Variants in MPRIP observed in about 807,000 individuals in gnomAD.
The protein encoded by MPRIP is myosin phosphatase Rho interacting protein.
A neutral mutation model predicts 234.9 loss-of-function variants in MPRIP; 59 were observed. The ratio of observed to expected loss-of-function variants is 0.25; its 90% CI spans 0.20 to 0.31. The LOEUF (loss-of-function observed/expected upper bound fraction) is 0.31, where lower values mean the gene tolerates loss of function less well. Ranked by LOEUF, MPRIP falls within the 10% of genes least tolerant of loss-of-function variation. The pLI is 1.00. For synonymous variants in MPRIP, 1,144 were observed against 1,263.9 expected (o/e 0.91, Z 2.01); for missense variants, 2,436 against 3,071.0 (o/e 0.79, Z 4.89).
intron 1 of MPRIP, among the ~76,000 whole-genome samples, chr17:17,060,830 T>C (rs1182781400): frequency 1.3e-5 from 2 of 152,188 alleles, no homozygotes; most frequent in African/African-American, 4.8e-5. Context: ...GAAGCCTATA[T>C]TGAGGAAGGT....
chr17:17,087,236 G>A (rs2089611525), intron 3 of MPRIP, among the ~76,000 whole-genome samples: 1 of 152,180 alleles, frequency 6.6e-6, no homozygotes, highest in Admixed American at 6.5e-5. Flanking sequence ...CTAGGGGGAG[G>A]GGGAGGGAGT....
In MPRIP at chr17:17,139,342, C is replaced by T. The variant is rs141066034; in HGVS notation, c.1250+913C>T. On this transcript the variant is annotated intron_variant, in intron 7 of 23. Transcript: ENST00000651222. Reference sequence around the variant, plus strand: ...TCAGCCAGGTTTATGGATAGACTTACAGACTTCTGGAGGTCCATGATGACC... The same window carrying T: ...TCAGCCAGGTTTATGGATAGACTTATAGACTTCTGGAGGTCCATGATGACC... Among the ~76,000 whole-genome samples, 276 of 152,346 alleles carry T rather than the reference C, an allele frequency of 1.8e-3. 1 individual carries two copies. Among genetic ancestry groups the T allele is most frequent in the African/African-American group, 6.2e-3 (256 of 41,590 alleles).
chr17:17,095,677 A>G (rs2089821999), intron 3 of MPRIP, among the ~76,000 whole-genome samples: 1 of 151,780 alleles, frequency 6.6e-6, no homozygotes, highest in Admixed American at 6.5e-5. Flanking sequence ...TCCTAGGGCA[A>G]CCCTCCGTGC....
At chr17:17,104,282 C>T (rs944868800) in intron 3 of MPRIP, among the ~76,000 whole-genome samples, 2 of 152,168 alleles carry the variant, frequency 1.3e-5, no homozygotes, top group Non-Finnish European at 2.9e-5. Context: ...GATGTGTGGA[C>T]GTGAGTGTCT....
chr17:17,071,448 C>T (rs2089191761), intron 1 of MPRIP, among the ~76,000 whole-genome samples: 1 of 152,200 alleles, frequency 6.6e-6, no homozygotes, highest in South Asian at 2.1e-4. Context: ...TCCTGGGTCC[C>T]TGGCCCACTT....
rs142093730 is a variant in MPRIP, at chr17:17,172,755, G to C, written c.6530G>C (p.Ser2177Thr). 6.8e-5 allele frequency: 110 copies of C among 1,612,248 alleles called. No homozygotes were observed. The highest frequency in any genetic ancestry group is 8.9e-5 in the Non-Finnish European group (105 of 1,180,038). The change falls in exon 18 of 24, where the codon AGC (serine) becomes ACC (threonine). Residue 2177 changes from serine to threonine, a missense_variant. Ser to Thr is a moderately conservative substitution (Grantham distance 58). Coordinates refer to ENST00000651222, the MANE Select transcript of MPRIP (RefSeq NM_001364716.4). ...GAAATGGAGCGGGAGCTGGAGAAGAGCCAGCGGTCCCAGATCAGCAGCGTC... is the reference window on the plus strand; with the variant it reads ...GAAATGGAGCGGGAGCTGGAGAAGACCCAGCGGTCCCAGATCAGCAGCGTC... ...REEMERELEK[S>T]QRSQISSVNS...
chr17:17,100,788 A>G (rs2089945960), intron 3 of MPRIP, among the ~76,000 whole-genome samples: 1 of 152,070 alleles, frequency 6.6e-6, no homozygotes, highest in South Asian at 2.1e-4. Flanking sequence ...ATAATAATAG[A>G]AATAAAGTGC....
intron 21 of MPRIP, 32 bp downstream of exon 21, chr17:17,176,544 C>A: frequency 6.5e-7 from 1 of 1,540,036 alleles, no homozygotes; most frequent in Non-Finnish European, 9.0e-7. Context: ...AGGGCGGGTA[C>A]GGGAACAGGC....
At chr17:17,145,426 G>A (rs1462211313) in intron 9 of MPRIP, among the ~76,000 whole-genome samples, 1 of 152,232 alleles carries the variant, frequency 6.6e-6, no homozygotes, top group African/African-American at 2.4e-5. Context: ...GGGCCCAGGT[G>A]TGTCTGGGCG....
intron 18 of MPRIP, among the ~76,000 whole-genome samples, chr17:17,173,557 C>T (rs1016265429): frequency 2.0e-5 from 3 of 152,062 alleles, no homozygotes; most frequent in African/African-American, 7.2e-5. Flanking sequence ...TGTGTAGAGC[C>T]TGGTCCTGGC....
Position 17,055,882 on chromosome 17 carries a change from C to T in MPRIP, c.123+12911C>T, listed in dbSNP as rs577481300. Among the ~76,000 whole-genome samples, 5 of 152,302 alleles carry T rather than the reference C, an allele frequency of 3.3e-5. No individual in the cohort carries two copies. The South Asian group carries it at 1.0e-3, about 32-fold the overall frequency. On this transcript the variant is annotated intron_variant, in intron 1 of 23. Coordinates refer to ENST00000651222, the MANE Select transcript of MPRIP (RefSeq NM_001364716.4). ...ATAGCTGACAGGAATTGCCATGTGCCAGGCCACTATTAGCTCATTTATATT... is the reference window on the plus strand; with the variant it reads ...ATAGCTGACAGGAATTGCCATGTGCTAGGCCACTATTAGCTCATTTATATT...
chr17:17,110,740 C>T (rs113661696), intron 3 of MPRIP, among the ~76,000 whole-genome samples: 4 of 152,342 alleles, frequency 2.6e-5, no homozygotes, highest in African/African-American at 9.6e-5. Flanking sequence ...GTGAGAACAA[C>T]GTCAGACAAA....
chr17:17,046,159 G>A (rs546891858), intron 1 of MPRIP, among the ~76,000 whole-genome samples: 3 of 152,298 alleles, frequency 2.0e-5, no homozygotes, highest in Admixed American at 6.5e-5. Flanking sequence ...TTTGCTCTGC[G>A]ACATATTTTT....
At chr17:17,124,612 G>A (rs113855218) in intron 3 of MPRIP, among the ~76,000 whole-genome samples, 17 of 152,276 alleles carry the variant, frequency 1.1e-4, no homozygotes, top group African/African-American at 2.6e-4. Flanking sequence ...CTCTAGTAAC[G>A]AGTGCACTGG....
intron 22 of MPRIP, among the ~76,000 whole-genome samples, chr17:17,177,619 AT>A (rs1286252380): frequency 3.3e-5 from 5 of 152,252 alleles, no homozygotes; most frequent in Admixed American, 6.5e-5. Flanking sequence ...TGCTGTGCTG[AT>A]TGCTCTAGGG....
chr17:17,150,844 C>T (rs1431685958), intron 12 of MPRIP, among the ~76,000 whole-genome samples: 8 of 151,954 alleles, frequency 5.3e-5, no homozygotes, highest in Admixed American at 3.9e-4. Context: ...ACATCTGCCT[C>T]CATTTCTTTT....
At position 17,142,566 on chromosome 17, in the gene MPRIP, C is replaced by T. The variant is rs1322399043; in HGVS notation, c.1251-61C>T. 6 of 1,586,048 alleles carry T rather than the reference C, an allele frequency of 3.8e-6. No individual in the cohort carries two copies. The East Asian group carries it at 1.3e-4, about 35-fold the overall frequency. On this transcript the variant is annotated intron_variant, in intron 7 of 23. Coordinates refer to ENST00000651222, the MANE Select transcript of MPRIP (RefSeq NM_001364716.4). ...CCAGGCCGGGCATGGGAGGAGTCGG[C>T]TCACTGCCACCTCACAGCTCACCTC... is the stretch of plus-strand genomic sequence containing the variant.
chr17:17,074,510 A>ACT (rs1372839818), intron 1 of MPRIP, among the ~76,000 whole-genome samples: 4 of 152,086 alleles, frequency 2.6e-5, no homozygotes, highest in Non-Finnish European at 4.4e-5. Flanking sequence ...CTTAAGATTC[A>ACT]CTCTCTTAAA....
At chr17:17,096,271 GGTGTGTGTGTGTGCAGGGTGTGTGTGT>G (rs1358285277) in intron 3 of MPRIP, among the ~76,000 whole-genome samples, 36 of 147,932 alleles carry the variant, frequency 2.4e-4, no homozygotes, top group African/African-American at 8.8e-4. Context: ...TGCTTGGCAG[GGTGTGTGTGTGTGCAGGGTGTGTGTGT>G]GTGTGTGTGT....
Sources: allele counts gnomAD v4.1 joint callset (sites outside exome capture counted in the v4.1 genomes callset), GRCh38; gene constraint gnomAD v4.1.1; transcripts MANE v1.5; gene names NCBI Gene and HGNC (gene_info 2026-07-23, HGNC 2026-07-21).